FAF1: variants seen among roughly 807,000 people sequenced by gnomAD.
The protein encoded by FAF1 is Fas associated factor 1.
FAF1 carries 25 observed loss-of-function variants against 92.5 expected under a neutral mutation model. The ratio of observed to expected loss-of-function variants is 0.27; its 90% confidence interval spans 0.20 to 0.38. FAF1 has a LOEUF of 0.38. Ranked by LOEUF, FAF1 falls within the 10% of genes least tolerant of loss-of-function variation. The pLI, the probability that FAF1 is intolerant of heterozygous loss-of-function variation, is 1.00. For missense variants in FAF1, 636 were observed against 793.3 expected, an observed-to-expected ratio of 0.80 and a Z score of 2.38; for synonymous variants, 234 against 273.2, an observed-to-expected ratio of 0.86 and a Z score of 1.42.
At chr1:50,902,958 T>C (rs539611821) in intron 1 of FAF1, among the ~76,000 whole-genome samples, 2 of 152,296 alleles carry the variant, frequency 1.3e-5, no homozygotes, top group East Asian at 3.9e-4. Flanking sequence ...GCTATCCAAC[T>C]ACACAATTTG....
intron 5 of FAF1, among the ~76,000 whole-genome samples, chr1:50,744,039 C>A (rs1328452225): frequency 6.6e-6 from 1 of 152,008 alleles, no homozygotes; most frequent in Non-Finnish European, 1.5e-5. Context: ...CCACTACACT[C>A]CAGCATGGGC....
At chr1:50,722,529 G>C (rs936381761) in intron 6 of FAF1, among the ~76,000 whole-genome samples, 5 of 151,860 alleles carry the variant, frequency 3.3e-5, no homozygotes, top group Admixed American at 1.3e-4. Context: ...GGCGCCTGTA[G>C]TCCCGGCTAC....
intron 17 of FAF1, among the ~76,000 whole-genome samples, chr1:50,482,812 G>A (rs561539052): frequency 1.4e-4 from 21 of 152,208 alleles, no homozygotes; most frequent in Admixed American, 1.2e-3. Context: ...CTTTGATGAA[G>A]TGTCTTTTAA....
chr1:50,588,240 T>C (rs182564535), intron 9 of FAF1, among the ~76,000 whole-genome samples: 1 of 152,342 alleles, frequency 6.6e-6, no homozygotes, highest in Admixed American at 6.5e-5. Flanking sequence ...TACGTGCCAC[T>C]ACATCCAGCT....
chr1:50,440,305 C>A lies in FAF1; in HGVS notation c.*1135G>T, dbSNP rs577472143. The A allele has an allele frequency of 3.9e-5, 6 of 152,164 alleles. No homozygotes were observed. In the South Asian group the frequency reaches 8.3e-4, roughly 21 times the overall value. 9.4% of individuals were successfully genotyped at this position (152,164 alleles called of 1,614,324 possible). ...AAAATCCACACTTACTAAATCAAATCAAAAATTATTATATGCAGGTTTCAG... is the reference window on the plus strand; with the variant it reads ...AAAATCCACACTTACTAAATCAAATAAAAAATTATTATATGCAGGTTTCAG... On this transcript the variant is annotated 3_prime_UTR_variant, in exon 19 of 19. Coordinates refer to ENST00000396153, the MANE Select transcript of FAF1 (RefSeq NM_007051.3).
At chr1:50,546,325 G>C (rs1394353418) in intron 13 of FAF1, among the ~76,000 whole-genome samples, 1 of 152,112 alleles carries the variant, frequency 6.6e-6, no homozygotes, top group African/African-American at 2.4e-5. Flanking sequence ...TTTACCATTT[G>C]TGTAAAACTG....
At chr1:50,778,448 T>C (rs1388040575) in intron 4 of FAF1, among the ~76,000 whole-genome samples, 3 of 152,158 alleles carry the variant, frequency 2.0e-5, no homozygotes, top group Non-Finnish European at 2.9e-5. Context: ...GTATAGCTTT[T>C]GACTCTCCAA....
At chr1:50,863,076 T>C (rs1379550454) in intron 1 of FAF1, among the ~76,000 whole-genome samples, 1 of 151,950 alleles carries the variant, frequency 6.6e-6, no homozygotes, top group Non-Finnish European at 1.5e-5. Flanking sequence ...TATTCATCAG[T>C]ACATGGAACA....
intron 1 of FAF1, among the ~76,000 whole-genome samples, chr1:50,922,756 T>G (rs1216416128): frequency 6.9e-6 from 1 of 143,902 alleles, no homozygotes; most frequent in African/African-American, 2.6e-5. Context: ...GAGATGGAGG[T>G]TGCAGTGAGC....
Position 50,959,898 on chromosome 1 carries a change from G to T in FAF1, c.-87C>A, listed in dbSNP as rs1033114419. Reference sequence around the variant, plus strand: ...TCCTGCGACCGTCGCCGCCACCGCCGCCGCCGCCGCCGGGCGCCGAGGGGC... The same window carrying T: ...TCCTGCGACCGTCGCCGCCACCGCCTCCGCCGCCGCCGGGCGCCGAGGGGC... On this transcript the variant is annotated 5_prime_UTR_variant, in exon 1 of 19. Transcript: ENST00000396153. The T allele has an allele frequency of 1.2e-6, 1 of 804,458 alleles. No individual in the cohort carries two copies. Among genetic ancestry groups the T allele is most frequent in the Non-Finnish European group, 1.6e-6 (1 of 627,026 alleles). 49.8% of individuals were successfully genotyped at this position (804,458 alleles called of 1,614,324 possible).
intron 2 of FAF1, among the ~76,000 whole-genome samples, chr1:50,850,957 T>C (rs574841940): frequency 2.8e-4 from 43 of 152,316 alleles, no homozygotes; most frequent in Non-Finnish European, 4.6e-4. Flanking sequence ...TACAATGATA[T>C]TTTGTTTAAA....
chr1:50,450,761 A>G (rs1174075384), intron 18 of FAF1, among the ~76,000 whole-genome samples: 1 of 152,228 alleles, frequency 6.6e-6, no homozygotes, highest in Non-Finnish European at 1.5e-5. Context: ...AGGGTATAAA[A>G]AAATCTTTGG....
At chr1:50,509,185 G>A (rs1465569663) in intron 15 of FAF1, among the ~76,000 whole-genome samples, 1 of 152,138 alleles carries the variant, frequency 6.6e-6, no homozygotes, top group Non-Finnish European at 1.5e-5. Flanking sequence ...AAAGAATGAA[G>A]TGCTGATACT....
chr1:50,936,522 T>C (rs1392334314), intron 1 of FAF1, among the ~76,000 whole-genome samples: 1 of 152,118 alleles, frequency 6.6e-6, no homozygotes, highest in Non-Finnish European at 1.5e-5. Context: ...ATTACAAGCA[T>C]CAAAGTATTA....
intron 5 of FAF1, 51 bp from the exon 6 acceptor site, chr1:50,739,005 T>C: frequency 2.7e-6 from 3 of 1,117,540 alleles, no homozygotes; most frequent in Non-Finnish European, 3.9e-6. Context: ...TGATTATTCA[T>C]TATTGATTTT....
intron 6 of FAF1, among the ~76,000 whole-genome samples, chr1:50,724,290 C>CACACAT (rs879690338): frequency 0.048 from 5,076 of 106,056 alleles, 134 homozygotes; most frequent in Non-Finnish European, 0.067. Flanking sequence ...CACACACACA[C>CACACAT]ACACATACAC....
chr1:50,694,790 T>C (rs1042142126), intron 7 of FAF1, among the ~76,000 whole-genome samples: 1 of 40,368 alleles, frequency 2.5e-5, no homozygotes, highest in Admixed American at 2.8e-4. Context: ...TACTAAAAAA[T>C]ACAAAAAAAA....
intron 8 of FAF1, among the ~76,000 whole-genome samples, chr1:50,644,522 G>A (rs1465181996): frequency 1.3e-5 from 2 of 152,156 alleles, no homozygotes; most frequent in African/African-American, 2.4e-5. Flanking sequence ...TTCTCTGCTG[G>A]TAGTCTGCTT....
At chr1:50,519,428 G>A (rs1647389081) in intron 15 of FAF1, among the ~76,000 whole-genome samples, 1 of 144,082 alleles carries the variant, frequency 6.9e-6, no homozygotes, top group African/African-American at 2.6e-5. Context: ...AGGAAGGAAG[G>A]AAGGAAGGAA....
Sources: allele counts gnomAD v4.1 joint callset (sites outside exome capture counted in the v4.1 genomes callset), GRCh38; gene constraint gnomAD v4.1.1; transcripts MANE v1.5; gene names NCBI Gene and HGNC (gene_info 2026-07-23, HGNC 2026-07-21).